The following KIAA1217 variants were observed in gnomAD, a reference collection of about 807,000 sequenced individuals.
The protein encoded by KIAA1217 is sickle tail protein homolog.
A neutral mutation model predicts 163.9 loss-of-function variants in KIAA1217; 88 were observed. That is an observed-to-expected ratio of 0.54 (90% CI 0.45 to 0.64). The LOEUF (loss-of-function observed/expected upper bound fraction) is 0.64, where lower values mean the gene tolerates loss of function less well. KIAA1217 is among the 30% of genes least tolerant of loss of function. KIAA1217 has a pLI of 0.00. For synonymous variants in KIAA1217, 903 were observed against 923.1 expected (o/e 0.98, Z 0.39); for missense variants, 2,372 against 2,475.0 (o/e 0.96, Z 0.88).
At chr10:24,216,782 G>A (rs1163874694) in intron 1 of KIAA1217, among the ~76,000 whole-genome samples, 6 of 142,604 alleles carry the variant, frequency 4.2e-5, no homozygotes, top group African/African-American at 1.1e-4. Flanking sequence ...AGCTGAGATC[G>A]CACCACTGCA....
At chr10:24,103,922 C>G (rs1226405409) in intron 2 of KIAA1217, among the ~76,000 whole-genome samples, 1 of 152,152 alleles carries the variant, frequency 6.6e-6, no homozygotes, top group African/African-American at 2.4e-5. Context: ...TAGACCAACA[C>G]AAACATATTC....
chr10:24,382,662 G>A (rs755720547), intron 3 of KIAA1217, among the ~76,000 whole-genome samples: 17 of 151,832 alleles, frequency 1.1e-4, no homozygotes, highest in Non-Finnish European at 2.2e-4. Flanking sequence ...GCAGCAGTGG[G>A]AAGTCCAGGG....
At chr10:24,510,202 C>G (rs184781701) in intron 9 of KIAA1217, among the ~76,000 whole-genome samples, 1 of 152,322 alleles carries the variant, frequency 6.6e-6, no homozygotes, top group East Asian at 1.9e-4. Flanking sequence ...ACTGTGCTCT[C>G]TAATTGCCGA....
intron 2 of KIAA1217, among the ~76,000 whole-genome samples, chr10:24,014,074 C>T (rs961095332): frequency 2.0e-5 from 3 of 152,124 alleles, no homozygotes; most frequent in Admixed American, 6.6e-5. Flanking sequence ...ACACATTCTG[C>T]AGAGCTTAAT....
At chr10:24,202,602 T>G (rs968974199) in intron 2 of KIAA1217, among the ~76,000 whole-genome samples, 4 of 152,092 alleles carry the variant, frequency 2.6e-5, no homozygotes, top group African/African-American at 9.7e-5. Context: ...GCTCCCAAGC[T>G]CCCCTCACAG....
intron 1 of KIAA1217, among the ~76,000 whole-genome samples, chr10:23,859,833 A>C (rs1839871059): frequency 6.6e-6 from 1 of 151,718 alleles, no homozygotes; most frequent in Non-Finnish European, 1.5e-5. Context: ...GTCTAAAATG[A>C]CTTTGCTGTG....
chr10:24,341,072 G>T (rs1290581200), intron 2 of KIAA1217, among the ~76,000 whole-genome samples: 1 of 151,960 alleles, frequency 6.6e-6, no homozygotes, highest in Non-Finnish European at 1.5e-5. Context: ...TCAATAGGCT[G>T]CCAAGTCCAT....
At chr10:24,048,823 G>A (rs1431690065) in intron 2 of KIAA1217, among the ~76,000 whole-genome samples, 2 of 151,806 alleles carry the variant, frequency 1.3e-5, no homozygotes, top group East Asian at 3.9e-4. Flanking sequence ...ACGAGGTCAG[G>A]GGTTCGAGAC....
chr10:24,166,659 G>C (rs2065359883), intron 2 of KIAA1217, among the ~76,000 whole-genome samples: 1 of 152,144 alleles, frequency 6.6e-6, no homozygotes, highest in Admixed American at 6.5e-5. Flanking sequence ...AATCACTTGA[G>C]CCTGGGAAGT....
At chr10:24,041,032 A>C (rs1848607561) in intron 2 of KIAA1217, among the ~76,000 whole-genome samples, 3 of 152,266 alleles carry the variant, frequency 2.0e-5, no homozygotes, top group Middle Eastern at 3.2e-3. Flanking sequence ...TCCAAAATTT[A>C]TGCTCTTTCC....
At chr10:24,166,605 G>A (rs754237670) in intron 2 of KIAA1217, among the ~76,000 whole-genome samples, 3 of 152,044 alleles carry the variant, frequency 2.0e-5, no homozygotes, top group Non-Finnish European at 2.9e-5. Flanking sequence ...AGGCGTAATG[G>A]GGCATACCTG....
intron 1 of KIAA1217, among the ~76,000 whole-genome samples, chr10:23,967,478 A>T (rs1204188660): frequency 6.6e-6 from 1 of 152,224 alleles, no homozygotes; most frequent in African/African-American, 2.4e-5. Context: ...AAGTCCACAG[A>T]AAAAGAAATA....
intron 2 of KIAA1217, among the ~76,000 whole-genome samples, chr10:24,062,426 A>T (rs942277746): frequency 4.0e-5 from 6 of 151,180 alleles, no homozygotes; most frequent in Non-Finnish European, 7.4e-5. Flanking sequence ...GCTCAGAATG[A>T]TGGTTTCCAG....
intron 1 of KIAA1217, among the ~76,000 whole-genome samples, chr10:23,967,317 A>T (rs76475714): frequency 0.042 from 6,398 of 152,216 alleles, 204 homozygotes; most frequent in Middle Eastern, 0.099. Context: ...AATGAATAAG[A>T]AGATGGTATG....
intron 5 of KIAA1217, among the ~76,000 whole-genome samples, chr10:24,448,283 G>A (rs1360448505): frequency 5.9e-5 from 9 of 152,124 alleles, no homozygotes; most frequent in Admixed American, 2.0e-4. Flanking sequence ...GAATTCACCT[G>A]TGGTAGAACG....
intron 1 of KIAA1217, among the ~76,000 whole-genome samples, chr10:23,828,816 C>T (rs1014609893): frequency 6.6e-6 from 1 of 152,128 alleles, no homozygotes; most frequent in African/African-American, 2.4e-5. Context: ...GAGTGTATAG[C>T]AACTATGCCA....
intron 2 of KIAA1217, among the ~76,000 whole-genome samples, chr10:24,285,247 A>G (rs560261198): frequency 5.3e-4 from 80 of 152,210 alleles, no homozygotes; most frequent in African/African-American, 1.7e-3. Context: ...TCTACTTGTC[A>G]ATTTTTGCCT....
At chr10:24,278,716 C>T (rs1236628580) in intron 2 of KIAA1217, among the ~76,000 whole-genome samples, 7 of 152,250 alleles carry the variant, frequency 4.6e-5, no homozygotes, top group Middle Eastern at 3.4e-3. Context: ...TTACCACTAG[C>T]GTGCTCTACA....
At chr10:24,485,996 T>C (rs1242441575) in intron 6 of KIAA1217, among the ~76,000 whole-genome samples, 2 of 152,188 alleles carry the variant, frequency 1.3e-5, no homozygotes, top group Non-Finnish European at 2.9e-5. Flanking sequence ...CTTGGTGTCA[T>C]CTTGATTGCT....
Sources: allele counts gnomAD v4.1 joint callset (sites outside exome capture counted in the v4.1 genomes callset), GRCh38; gene constraint gnomAD v4.1.1; transcripts MANE v1.5; gene names NCBI Gene and HGNC (gene_info 2026-07-23, HGNC 2026-07-21).